NFATC1: variants seen among roughly 807,000 people sequenced by gnomAD.
NFATC1 encodes the protein nuclear factor of activated T cells 1.
In NFATC1, 22 loss-of-function variants were observed where a neutral mutation model predicts 76.0. The observed-to-expected ratio is 0.29, with a 90% CI of 0.21 to 0.41. The LOEUF (loss-of-function observed/expected upper bound fraction) is 0.41. Among genes scored for constraint, NFATC1 ranks in the 10% least tolerant of loss-of-function variants. The pLI is 1.00. For missense variants in NFATC1, 1,357 were observed against 1,337.7 expected (o/e 1.01, Z -0.23); for synonymous variants, 704 against 613.1 (o/e 1.15, Z -2.19).
chr18:79,412,723 A>G (rs151322084), intron 2 of NFATC1, among the ~76,000 whole-genome samples: 3 of 152,240 alleles, frequency 2.0e-5, no homozygotes, highest in African/African-American at 7.2e-5. Context: ...GTGGCAAAGA[A>G]ACAGTGTTAG....
rs774112618 is a variant in NFATC1, at chr18:79,410,954, G to T, written c.679G>T (p.Ala227Ser). 1.9e-5 allele frequency: 31 copies of T among 1,602,580 alleles called. No homozygotes were observed. The highest frequency in any genetic ancestry group is 2.6e-5 in the Non-Finnish European group (30 of 1,175,410). Reference sequence around the variant, plus strand: ...GGAGGGCTTTCCCCGCGGGCTGGGGGCCTGCACACTGCTGGGTTCCCCGCG... The same window carrying T: ...GGAGGGCTTTCCCCGCGGGCTGGGGTCCTGCACACTGCTGGGTTCCCCGCG... ...PEEGFPRGLGACTLLGSPRHS... is the reference protein window; with the variant it reads ...PEEGFPRGLGSCTLLGSPRHS... Residue 227 changes from alanine to serine, a missense_variant, in exon 2 of 10, where the codon GCC becomes TCC. This residue lies in a region of NFATC1 where 691 missense variants were observed against 613.1 expected (regional missense o/e 1.13). Transcript: ENST00000427363. This position sits in a 1 kb window ranked among gnomAD's most constrained non-coding sequence, Gnocchi z 6.7.
chr18:79,433,207 C>T (rs1283850276), intron 2 of NFATC1, among the ~76,000 whole-genome samples: 2 of 152,194 alleles, frequency 1.3e-5, no homozygotes, highest in African/African-American at 2.4e-5. Flanking sequence ...TGGTTCATAG[C>T]GAGGAGAGGT....
chr18:79,462,705 A>G (rs1372167114), intron 7 of NFATC1, among the ~76,000 whole-genome samples: 1 of 152,260 alleles, frequency 6.6e-6, no homozygotes, highest in Non-Finnish European at 1.5e-5. Flanking sequence ...CTAGGCCAAC[A>G]TAAGATGCCA....
At chr18:79,485,414 G>A (rs145393091) in intron 8 of NFATC1, among the ~76,000 whole-genome samples, 4 of 152,350 alleles carry the variant, frequency 2.6e-5, no homozygotes, top group Non-Finnish European at 5.9e-5. Flanking sequence ...CAGGAATGCC[G>A]GCTGGGATCC....
intron 8 of NFATC1, among the ~76,000 whole-genome samples, chr18:79,481,753 G>A (rs776041605): frequency 1.3e-5 from 2 of 151,020 alleles, no homozygotes; most frequent in Non-Finnish European, 2.9e-5. Context: ...GACTGAATGT[G>A]ACGTCTGGGG....
intron 2 of NFATC1, among the ~76,000 whole-genome samples, chr18:79,426,779 G>A (rs1000133343): frequency 3.3e-5 from 5 of 152,242 alleles, no homozygotes; most frequent in East Asian, 1.9e-4. Flanking sequence ...CTGCAGATTC[G>A]CGGGAAGCTG....
At chr18:79,489,991 C>A (rs2089629862) in intron 9 of NFATC1, among the ~76,000 whole-genome samples, 1 of 152,216 alleles carries the variant, frequency 6.6e-6, no homozygotes, top group African/African-American at 2.4e-5. Flanking sequence ...TGGTGATGTC[C>A]GTTTCATCTC....
intron 6 of NFATC1, 52 bp from the exon 7 acceptor site, chr18:79,461,258 AG>A: frequency 4.4e-6 from 7 of 1,600,064 alleles, no homozygotes; most frequent in South Asian, 1.1e-5. Flanking sequence ...GTGTCTGGGG[AG>A]GGGGCTCCCC....
intron 1 of NFATC1, among the ~76,000 whole-genome samples, chr18:79,406,190 G>C (rs1375215082): frequency 6.6e-6 from 1 of 152,222 alleles, no homozygotes; most frequent in African/African-American, 2.4e-5. Flanking sequence ...AAATTCTTCA[G>C]AATTACCTTT....
At chr18:79,448,699 G>C (rs556063537) in intron 3 of NFATC1, 83 bp from the exon 4 acceptor site, 2 of 1,400,308 alleles carry the variant, frequency 1.4e-6, no homozygotes, top group East Asian at 4.6e-5. Flanking sequence ...CCTCGAACCC[G>C]CCGCAGGTTT....
intron 9 of NFATC1, among the ~76,000 whole-genome samples, chr18:79,516,706 A>G (rs919373784): frequency 6.6e-6 from 1 of 152,220 alleles, no homozygotes; most frequent in Non-Finnish European, 1.5e-5. Flanking sequence ...CAAAAAATTA[A>G]AAAACCCACA....
intron 9 of NFATC1, among the ~76,000 whole-genome samples, chr18:79,491,768 C>T (rs970396743): frequency 7.2e-5 from 11 of 152,168 alleles, no homozygotes; most frequent in African/African-American, 2.7e-4. Flanking sequence ...GATCGCAGAG[C>T]TGCGTGCGGG....
intron 2 of NFATC1, among the ~76,000 whole-genome samples, chr18:79,429,058 T>TA (rs1238707460): frequency 1.3e-5 from 2 of 151,960 alleles, no homozygotes; most frequent in African/African-American, 4.8e-5. Context: ...GTGTCTCTAC[T>TA]AAAAATACAA....
rs1063668 is a variant in NFATC1 at position 79,410,566 on chromosome 18, C to T, written c.291C>T (p.Pro97=). ...SGYGAALDGG[P]AGYFLSSGHT... The stretch of plus-strand genomic sequence containing the variant: ...ACGGAGCAGCTTTGGACGGTGGGCC[C>T]GCGGGCTACTTCCTCTCCTCCGGCC... The change falls in exon 2 of 10, where the codon CCC becomes CCT. Residue 97 remains proline (P), a synonymous_variant. Coordinates refer to ENST00000427363, the MANE Select transcript of NFATC1 (RefSeq NM_001278669.2). The surrounding 1 kb of genome is among the most constrained non-coding windows in gnomAD (Gnocchi z 6.7). 4.4e-3 allele frequency: 7,016 copies of T among 1,611,684 alleles called. 225 individuals are homozygous for T. In the African/African-American group the frequency reaches 0.077, roughly 18 times the overall value.
intron 7 of NFATC1, among the ~76,000 whole-genome samples, chr18:79,466,814 C>T (rs181982628): frequency 6.6e-6 from 1 of 152,334 alleles, no homozygotes; most frequent in East Asian, 1.9e-4. Context: ...ACCGCGTCTC[C>T]AGGAAGCACC....
At chr18:79,452,112 A>C (rs2144789839) in intron 6 of NFATC1, 1 of 266,234 alleles carries the variant, frequency 3.8e-6, no homozygotes, top group South Asian at 9.3e-5. Context: ...GACGCAGAGG[A>C]GGGCAAGACG....
intron 9 of NFATC1, among the ~76,000 whole-genome samples, chr18:79,526,409 G>A (rs774426245): frequency 1.3e-5 from 2 of 152,258 alleles, no homozygotes; most frequent in Non-Finnish European, 2.9e-5. Flanking sequence ...CAGGGCCTGC[G>A]GGGAGCCCAC....
At position 79,469,402 on chromosome 18, in the gene NFATC1, C is replaced by T. The variant is rs148281147; in HGVS notation, c.2092+1820C>T. On this transcript the variant is annotated intron_variant, in intron 8 of 9. Transcript: ENST00000427363. Reference sequence around the variant, plus strand: ...GTATCTCAGAGGCAGAAGGGGCGTGCGGGGAGCGTGCCTGCCCTTCACAGG... The same window carrying T: ...GTATCTCAGAGGCAGAAGGGGCGTGTGGGGAGCGTGCCTGCCCTTCACAGG... 4.7e-3 allele frequency: 4,641 copies of T among 985,432 alleles called. 29 individuals are homozygous for T. The highest frequency in any genetic ancestry group is 0.02 in the Middle Eastern group (39 of 1,914). 61.0% of individuals were successfully genotyped at this position (985,432 alleles called of 1,614,324 possible).
chr18:79,498,075 G>C (rs1416651249), intron 9 of NFATC1: 3 of 149,402 alleles, frequency 2.0e-5, no homozygotes, highest in East Asian at 2.0e-4. Flanking sequence ...ATGGGGGGGG[G>C]GGAATCTCAT....
Sources: gnomAD v4.1 joint callset for allele counts (sites outside exome capture counted in the v4.1 genomes callset) on GRCh38, gnomAD v4.1.1 for gene constraint, gnomAD v4.1.1 regional missense constraint, Gnocchi (gnomAD v3.1) non-coding constraint, MANE v1.5 for transcripts, NCBI Gene and HGNC (gene_info 2026-07-23, HGNC 2026-07-21) for gene names.